The following BID variants were observed in gnomAD, a reference collection of about 807,000 sequenced individuals.
BID encodes BH3 interacting domain death agonist, also known as BH3-interacting domain death agonist.
A neutral mutation model predicts 17.4 loss-of-function variants in BID; 19 were observed. The ratio of observed to expected loss-of-function variants is 1.09; its 90% CI spans 0.76 to 1.60. BID has a LOEUF of 1.60. Ranked by LOEUF, BID falls within the 40% of genes most tolerant of loss-of-function variation. The probability of loss-of-function intolerance (pLI) is 0.00; values close to 1 mark genes in which losing one functional copy is unlikely to be tolerated. For missense variants in BID, 226 were observed against 256.0 expected (o/e 0.88, Z 0.80); for synonymous variants, 108 against 102.8 (o/e 1.05, Z -0.31).
intron 2 of BID, among the ~76,000 whole-genome samples, chr22:17,749,473 C>T (rs2145889544): frequency 6.6e-6 from 1 of 152,280 alleles, no homozygotes; most frequent in East Asian, 1.9e-4. Flanking sequence ...AGCCACCTCG[C>T]CCAGCTATGA....
chr22:17,768,430 T>C (rs2061693904), intron 1 of BID, among the ~76,000 whole-genome samples: 1 of 152,054 alleles, frequency 6.6e-6, no homozygotes, highest in African/African-American at 2.4e-5. Flanking sequence ...GAGTCCTGCC[T>C]CCCTCCCCTG....
intron 1 of BID, among the ~76,000 whole-genome samples, chr22:17,766,529 C>T (rs2061679867): frequency 6.6e-6 from 1 of 152,086 alleles, no homozygotes; most frequent in Admixed American, 6.5e-5. Context: ...GATCGACCCG[C>T]CTCGGCCTCC....
chr22:17,756,414 TTC>T (rs2061584554), intron 1 of BID, among the ~76,000 whole-genome samples: 4 of 53,060 alleles, frequency 7.5e-5, no homozygotes, highest in East Asian at 6.8e-3. Flanking sequence ...TTTTTTCTCT[TTC>T]TTTCTTTCTT....
chr22:17,745,126 C>T (rs2061486966), intron 2 of BID, among the ~76,000 whole-genome samples: 2 of 151,948 alleles, frequency 1.3e-5, no homozygotes, highest in Non-Finnish European at 2.9e-5. Context: ...TCTCGGCTCA[C>T]TACAACCTCC....
intron 2 of BID, among the ~76,000 whole-genome samples, chr22:17,745,417 C>G (rs1486956122): frequency 6.6e-6 from 1 of 152,110 alleles, no homozygotes; most frequent in East Asian, 1.9e-4. Flanking sequence ...TCCCGGCACT[C>G]TGGGAGGCAG....
At chr22:17,747,461 C>T (rs920311648) in intron 2 of BID, among the ~76,000 whole-genome samples, 2 of 152,036 alleles carry the variant, frequency 1.3e-5, no homozygotes, top group Non-Finnish European at 2.9e-5. Flanking sequence ...GCTGGGGTTA[C>T]AGGCACGTGC....
At chr22:17,757,262 A>G (rs116711133) in intron 1 of BID, among the ~76,000 whole-genome samples, 1,526 of 151,930 alleles carry the variant, frequency 0.01, 29 homozygotes, top group African/African-American at 0.034. Context: ...AATATATACA[A>G]AAACTAGCCA....
intron 2 of BID, 108 bp from the exon 3 acceptor site, chr22:17,744,121 A>C: frequency 9.8e-7 from 1 of 1,020,216 alleles, no homozygotes; most frequent in Non-Finnish European, 1.5e-6. Flanking sequence ...GGTCCCAGAG[A>C]GCTGAGGGAC....
intron 1 of BID, among the ~76,000 whole-genome samples, chr22:17,771,964 T>C (rs957113172): frequency 2.2e-4 from 34 of 152,086 alleles, no homozygotes; most frequent in African/African-American, 7.7e-4. Context: ...GCCTAACAGG[T>C]GTGACATGTG....
chr22:17,767,618 A>T (rs761678241), intron 1 of BID, among the ~76,000 whole-genome samples: 15 of 152,206 alleles, frequency 9.9e-5, no homozygotes, highest in Non-Finnish European at 2.1e-4. Flanking sequence ...CAGAGAACTG[A>T]TCTCTGTCAT....
intron 3 of BID, among the ~76,000 whole-genome samples, chr22:17,741,436 C>T (rs994559869): frequency 7.9e-5 from 12 of 152,166 alleles, no homozygotes; most frequent in Admixed American, 6.6e-5. Flanking sequence ...TTAACTTCCA[C>T]GCTTCCTAGG....
At chr22:17,758,890 A>C (rs1301921855) in intron 1 of BID, among the ~76,000 whole-genome samples, 1 of 149,182 alleles carries the variant, frequency 6.7e-6, no homozygotes, top group African/African-American at 2.5e-5. Flanking sequence ...AAAATGGGAA[A>C]TCTTATGCTA....
Position 17,764,438 on chromosome 22 carries a change from A to G in BID, c.-59+9943T>C, listed in dbSNP as rs576047086. Among the ~76,000 whole-genome samples, 52 of 152,356 alleles carry G rather than the reference A, an allele frequency of 3.4e-4. 1 individual carries two copies. Among genetic ancestry groups the G allele is most frequent in the African/African-American group, 1.1e-3 (47 of 41,582 alleles). On this transcript the variant is annotated intron_variant, in intron 1 of 5. Transcript: ENST00000622694. Reference sequence around the variant, plus strand: ...AGGCTCTTGAGCCCACACCTGGGCAAGTAGAAATAGTGTCCAAACTTTTCT... The same window carrying G: ...AGGCTCTTGAGCCCACACCTGGGCAGGTAGAAATAGTGTCCAAACTTTTCT...
chr22:17,743,923 T>C lies in BID; in HGVS notation c.103A>G (p.Arg35Gly), dbSNP rs199617244. 67 of 1,613,814 alleles carry C rather than the reference T, an allele frequency of 4.2e-5. No individual in the cohort carries two copies. In the African/African-American group the frequency reaches 8.1e-4, roughly 20 times the overall value. Residue 35 changes from arginine (R) to glycine (G), a missense_variant, in exon 3 of 6, where the codon AGA (arginine) becomes GGA (glycine). Coordinates refer to ENST00000622694, the MANE Select transcript of BID (RefSeq NM_001196.4). ...LQSCSDNSFR[R>G]ELDALGHELP... ...TCGTGGCCCAGTGCGTCCAGCTCTC[T>C]GCGGAAGCTGTTGTCAGAACAGCTT...
chr22:17,738,314 C>T (rs2061434603), intron 4 of BID, 85 bp from the exon 5 acceptor site: 4 of 1,274,994 alleles, frequency 3.1e-6, no homozygotes, highest in Non-Finnish European at 4.4e-6. Flanking sequence ...AGAAGCACTT[C>T]AAAGTACTTA....
Position 17,773,906 on chromosome 22 carries a change from C to G in BID, c.-59+475G>C. On this transcript the variant is annotated intron_variant, in intron 1 of 5. Transcript: ENST00000622694. The surrounding 1 kb of genome is among the most constrained non-coding windows in gnomAD (Gnocchi z 4.4). ...CGCGCTTTGTCAGCCCTGAGCTCCG[C>G]TCGGGAGGAGCCGGCAGGTGTCTGC... 1.7e-6 allele frequency: 1 copy of G among 595,154 alleles called. No individual in the cohort carries two copies. Among genetic ancestry groups the G allele is most frequent in the Non-Finnish European group, 3.0e-6 (1 of 333,810 alleles). 36.9% of individuals were successfully genotyped at this position (595,154 alleles called of 1,614,324 possible).
chr22:17,744,122 G>A (rs1383699041), intron 2 of BID, 109 bp from the exon 3 acceptor site: 8 of 1,005,508 alleles, frequency 8.0e-6, no homozygotes, highest in Non-Finnish European at 1.2e-5. Context: ...GTCCCAGAGA[G>A]CTGAGGGACC....
At chr22:17,750,751 T>C (rs1330068818) in intron 1 of BID, among the ~76,000 whole-genome samples, 3 of 151,526 alleles carry the variant, frequency 2.0e-5, no homozygotes, top group East Asian at 4.0e-4. Context: ...TGGCATGAAC[T>C]TGGGAGGGAG....
chr22:17,766,959 C>T (rs2061683409), intron 1 of BID, among the ~76,000 whole-genome samples: 1 of 151,924 alleles, frequency 6.6e-6, no homozygotes, highest in Admixed American at 6.5e-5. Context: ...CGTGGTGGCT[C>T]ACGCCTGTAA....
Sources: allele counts gnomAD v4.1 joint callset (sites outside exome capture counted in the v4.1 genomes callset), GRCh38; gene constraint gnomAD v4.1.1; non-coding constraint Gnocchi (gnomAD v3.1); transcripts MANE v1.5; gene names NCBI Gene and HGNC (gene_info 2026-07-23, HGNC 2026-07-21).